Variants in DNAH17 observed in about 807,000 individuals in gnomAD.
DNAH17 encodes dynein axonemal heavy chain 17.
DNAH17 carries 376 observed loss-of-function variants against 485.6 expected under a neutral mutation model. The observed-to-expected ratio is 0.77, with a 90% CI of 0.71 to 0.84. The LOEUF is 0.84. DNAH17 is among the 40% of genes least tolerant of loss of function. The probability of loss-of-function intolerance (pLI) is 0.00; values close to 1 mark genes in which losing one functional copy is unlikely to be tolerated. For synonymous variants in DNAH17, 3,031 were observed against 2,405.9 expected (o/e 1.26, Z -7.60); for missense variants, 6,370 against 5,839.3 (o/e 1.09, Z -2.96).
intron 41 of DNAH17, 34 bp downstream of exon 41, chr17:78,494,002 G>A (rs1387392352): frequency 6.3e-7 from 1 of 1,596,862 alleles, no homozygotes; most frequent in East Asian, 2.2e-5. Flanking sequence ...CACCATGCCG[G>A]ATCCCTGCAA....
chr17:78,566,540 A>G (rs117714280), intron 11 of DNAH17, 74 bp downstream of exon 11: 12,177 of 1,117,972 alleles, frequency 0.011, 102 homozygotes, highest in Non-Finnish European at 0.013. Flanking sequence ...ATGGTCTCCA[A>G]GATCGTTCTC....
intron 25 of DNAH17, among the ~76,000 whole-genome samples, chr17:78,524,449 C>T (rs1044708798): frequency 6.6e-6 from 1 of 152,026 alleles, no homozygotes; most frequent in African/African-American, 2.4e-5. Context: ...GATTCATGCT[C>T]TTATAAAAGG....
chr17:78,466,379 A>G (rs1430647495), intron 56 of DNAH17, among the ~76,000 whole-genome samples: 1 of 152,066 alleles, frequency 6.6e-6, no homozygotes, highest in East Asian at 1.9e-4. Context: ...TCCCTCCACT[A>G]TTGTCCTATG....
intron 16 of DNAH17, among the ~76,000 whole-genome samples, chr17:78,546,731 C>T (rs2091773352): frequency 6.6e-6 from 1 of 152,114 alleles, no homozygotes; most frequent in Non-Finnish European, 1.5e-5. Context: ...CATGGTGAAA[C>T]CCCATCTCTA....
Position 78,461,669 on chromosome 17 carries a change from C to A in DNAH17, c.9214G>T (p.Glu3072Ter). The change falls in exon 58 of 81, where the codon GAG becomes TAG. Residue 3072 changes from glutamate (E) to a stop codon, truncating the protein, a stop_gained. Transcript: ENST00000389840. LOFTEE classifies it high-confidence loss of function. ...GCGCTCTCATTCTTCTGCTTGAGCT[C>A]AGCCTCCTGAATCGCCAACTTGGCT... is the stretch of plus-strand genomic sequence containing the variant. ...LKAKLAIQEA[E>*]LKQKNESADQ... The A allele has an allele frequency of 6.2e-7, 1 of 1,611,610 alleles. No homozygotes were observed.
intron 63 of DNAH17, among the ~76,000 whole-genome samples, chr17:78,455,185 C>T (rs909200008): frequency 6.6e-6 from 1 of 151,868 alleles, no homozygotes; most frequent in South Asian, 2.1e-4. Context: ...GCTGGGATTA[C>T]AGGCGTGAGC....
chr17:78,477,250 A>G (rs1158209720), intron 51 of DNAH17, among the ~76,000 whole-genome samples: 2 of 152,202 alleles, frequency 1.3e-5, no homozygotes, highest in African/African-American at 4.8e-5. Flanking sequence ...CCAGGTACAC[A>G]AAGAAATAAG....
chr17:78,554,412 G>A (rs1224152956), intron 14 of DNAH17, among the ~76,000 whole-genome samples: 6 of 96,760 alleles, frequency 6.2e-5, no homozygotes, highest in Admixed American at 1.7e-4. Context: ...ACTCCAGCCT[G>A]GACAATAGAA....
At chr17:78,495,190 G>A (rs1034805233) in intron 38 of DNAH17, 93 bp from the exon 39 acceptor site, 8 of 1,428,258 alleles carry the variant, frequency 5.6e-6, no homozygotes, top group South Asian at 4.2e-5. Context: ...AGCACACCTC[G>A]ACTGCCAGGT....
At chr17:78,432,910 C>CCG (rs1555650522) in intron 75 of DNAH17, among the ~76,000 whole-genome samples, 1 of 124,068 alleles carries the variant, frequency 8.1e-6, no homozygotes, top group Non-Finnish European at 1.7e-5. Context: ...GTGCCCCCCC[C>CCG]CCCCGACCCC....
At chr17:78,570,884 A>AAAAAAAAT in intron 6 of DNAH17, 64 bp downstream of exon 6, 1 of 698,210 alleles carries the variant, frequency 1.4e-6, no homozygotes, top group Non-Finnish European at 2.1e-6. Flanking sequence ...AAAAAGAAAA[A>AAAAAAAAT]AGAAAAGAAA....
chr17:78,462,261 T>TAGGGGGGG (rs2088169639), intron 57 of DNAH17, among the ~76,000 whole-genome samples: 1 of 9,052 alleles, frequency 1.1e-4, no homozygotes, highest in Non-Finnish European at 2.3e-4. Flanking sequence ...GGTAGGGGGG[T>TAGGGGGGG]GGGGGGGTGG....
At chr17:78,490,911 G>A in intron 43 of DNAH17, 64 bp from the exon 44 acceptor site, 2 of 1,495,260 alleles carry the variant, frequency 1.3e-6, no homozygotes, top group South Asian at 2.6e-5. Context: ...TGGTGTTCTG[G>A]GGTGGGGGTT....
intron 69 of DNAH17, among the ~76,000 whole-genome samples, chr17:78,446,861 C>A (rs1013686457): frequency 6.6e-6 from 1 of 152,154 alleles, no homozygotes; most frequent in East Asian, 1.9e-4. Context: ...CCAGGCTGGT[C>A]TTGAACTACT....
chr17:78,427,454 G>A (rs2086515906), intron 77 of DNAH17, among the ~76,000 whole-genome samples: 1 of 152,168 alleles, frequency 6.6e-6, no homozygotes, highest in South Asian at 2.1e-4. Context: ...TGTCCTTTAC[G>A]TGGGCTTTCT....
chr17:78,449,349 C>G (rs1021528292), intron 69 of DNAH17, 65 bp downstream of exon 69: 28 of 1,487,244 alleles, frequency 1.9e-5, no homozygotes, highest in Middle Eastern at 2.4e-4. Flanking sequence ...TTCCACAAAG[C>G]TCCCAGGGGT....
chr17:78,446,629 TTTA>T (rs1189590178), intron 69 of DNAH17, among the ~76,000 whole-genome samples: 1 of 103,462 alleles, frequency 9.7e-6, no homozygotes, highest in Non-Finnish European at 1.8e-5. Flanking sequence ...ATTTTTTAAA[TTTA>T]TTTTATTATT....
Position 78,490,845 on chromosome 17 carries a change from G to A in DNAH17, c.6672C>T (p.Val2224=). 3 of 1,594,718 alleles carry A rather than the reference G, an allele frequency of 1.9e-6. No individual in the cohort carries two copies. Among genetic ancestry groups the A allele is most frequent in the Non-Finnish European group, 2.6e-6 (3 of 1,169,518 alleles). The stretch of plus-strand genomic sequence containing the variant: ...TCCGCTCGTTGCTGGCCAGGGTGAG[G>A]ACCTAGGAGGGGGACAGCAGCCCGT... The part of the protein sequence containing the change: ...SLNTVMDDNK[V]LTLASNERIP... Residue 2224 remains valine (V), a splice_region_variant and synonymous_variant, in exon 44 of 81, where the codon GTC becomes GTT. Transcript: ENST00000389840.
Position 78,470,670 on chromosome 17 carries a change from C to A in DNAH17, c.8512-1787G>T, listed in dbSNP as rs150103432. On this transcript the variant is annotated intron_variant, in intron 54 of 80. Coordinates refer to ENST00000389840, the MANE Select transcript of DNAH17 (RefSeq NM_173628.4). ...TGCCATTGCACTCCAGTCTGGGCAA[C>A]AGAGTGAGACTCCGTCTCAAAGAAA... is the stretch of plus-strand genomic sequence containing the variant. Among the ~76,000 whole-genome samples, 1,132 of 152,276 alleles carry A rather than the reference C, an allele frequency of 7.4e-3. 15 individuals carry two copies. Among genetic ancestry groups the A allele is most frequent in the African/African-American group, 0.026 (1,062 of 41,554 alleles).
Sources: allele counts gnomAD v4.1 joint callset (sites outside exome capture counted in the v4.1 genomes callset), GRCh38; gene constraint gnomAD v4.1.1; transcripts MANE v1.5; gene names NCBI Gene and HGNC (gene_info 2026-07-23, HGNC 2026-07-21).